The following GPR89A variants were observed in gnomAD, a reference collection of about 807,000 sequenced individuals.
The protein encoded by GPR89A is golgi pH regulator A.
GPR89A carries 16 observed loss-of-function variants against 52.0 expected under a neutral mutation model. That is an observed-to-expected ratio of 0.31 (90% CI 0.21 to 0.47). The LOEUF (loss-of-function observed/expected upper bound fraction) is 0.47, where lower values mean the gene tolerates loss of function less well. GPR89A is among the 20% of genes least tolerant of loss of function. GPR89A has a pLI of 1.00. For synonymous variants in GPR89A, 55 were observed against 150.9 expected, an observed-to-expected ratio of 0.36 and a Z score of 4.66; for missense variants, 135 against 449.4, an observed-to-expected ratio of 0.30 and a Z score of 6.33.
intron 1 of GPR89A, among the ~76,000 whole-genome samples, chr1:145,611,160 TTGTGTG>T (rs373604657): frequency 3.3e-5 from 5 of 149,478 alleles, no homozygotes; most frequent in African/African-American, 4.9e-5. Flanking sequence ...CTCCAGCTAC[TTGTGTG>T]TGTGTGTGTG....
At position 145,665,327 on chromosome 1, in the gene GPR89A, AT is replaced by A. The variant is rs757261947; in HGVS notation, c.1006-234del. ...GCAAGACCCTGGCTCTACAAAAAAA[AT>A]ATTTTTTTAATTTTAAGGTTTAATT... On this transcript the variant is annotated intron_variant, in intron 11 of 13. Coordinates refer to ENST00000313835, the MANE Select transcript of GPR89A (RefSeq NM_001097612.2). 5.8e-4 allele frequency among the ~76,000 whole-genome samples: 88 copies of A among 152,006 alleles called. 2 individuals carry two copies. Among genetic ancestry groups the A allele is most frequent in the Non-Finnish European group, 1.1e-3 (76 of 67,924 alleles).
intron 10 of GPR89A, among the ~76,000 whole-genome samples, chr1:145,654,844 A>T: frequency 6.6e-6 from 1 of 152,234 alleles, no homozygotes; most frequent in Middle Eastern, 3.4e-3. Flanking sequence ...CTGTATTGCT[A>T]GGTTGGGGAA....
chr1:145,641,360 G>A (rs587639011), intron 7 of GPR89A, among the ~76,000 whole-genome samples: 26 of 151,964 alleles, frequency 1.7e-4, no homozygotes, highest in African/African-American at 6.1e-4. Context: ...GAGGTGGGAG[G>A]GAGGTAAGCT....
At chr1:145,659,996 A>G (rs1229903404) in intron 10 of GPR89A, among the ~76,000 whole-genome samples, 1 of 151,784 alleles carries the variant, frequency 6.6e-6, no homozygotes, top group Non-Finnish European at 1.5e-5. Context: ...CATCCCTTGT[A>G]AGTTGGATTC....
At chr1:145,661,991 A>G (rs1411824123) in intron 10 of GPR89A, among the ~76,000 whole-genome samples, 2 of 152,140 alleles carry the variant, frequency 1.3e-5, no homozygotes, top group African/African-American at 4.8e-5. Flanking sequence ...GTCTAAGAAC[A>G]TATTTTGTAT....
At chr1:145,662,594 A>G (rs1334655143) in intron 10 of GPR89A, among the ~76,000 whole-genome samples, 2 of 152,094 alleles carry the variant, frequency 1.3e-5, no homozygotes, top group African/African-American at 4.8e-5. Context: ...AGCAATCTAT[A>G]GCCCACAGGC....
intron 7 of GPR89A, among the ~76,000 whole-genome samples, chr1:145,640,314 AG>A (rs1197163428): frequency 4.9e-5 from 6 of 122,628 alleles, no homozygotes; most frequent in Non-Finnish European, 8.5e-5. Flanking sequence ...CTACACAAAA[AG>A]TTCTTTACTT....
chr1:145,626,124 G>A (rs1649481192), intron 5 of GPR89A, among the ~76,000 whole-genome samples: 1 of 150,640 alleles, frequency 6.6e-6, no homozygotes, highest in Non-Finnish European at 1.5e-5. Context: ...TGGTAGTATA[G>A]TTCTCATATA....
chr1:145,612,424 C>G (rs1442209687), intron 1 of GPR89A, among the ~76,000 whole-genome samples: 1 of 152,046 alleles, frequency 6.6e-6, no homozygotes, highest in African/African-American at 2.4e-5. Flanking sequence ...GTTAAAAGCA[C>G]AGATTTTCTA....
At chr1:145,608,351 C>G (rs1553685403) in intron 1 of GPR89A, 176 bp downstream of exon 1, 15 of 1,124,190 alleles carry the variant, frequency 1.3e-5, no homozygotes, top group Non-Finnish European at 1.9e-5. Flanking sequence ...CCCTCAGCCC[C>G]GGCTGTCAGG....
intron 12 of GPR89A, among the ~76,000 whole-genome samples, chr1:145,666,704 T>TC (rs1282637675): frequency 1.1e-5 from 1 of 89,464 alleles, no homozygotes; most frequent in Non-Finnish European, 2.2e-5. Context: ...CCCTCCCCCC[T>TC]CCCCCCACCC....
At chr1:145,641,556 A>G (rs1352533295) in intron 7 of GPR89A, among the ~76,000 whole-genome samples, 4 of 151,656 alleles carry the variant, frequency 2.6e-5, no homozygotes, top group African/African-American at 7.3e-5. Flanking sequence ...AATTATTTCA[A>G]AAAGTTTAAC....
Position 145,622,963 on chromosome 1 carries a change from C to T in GPR89A, c.207-91C>T, listed in dbSNP as rs587764860. 32 of 1,593,370 alleles carry T rather than the reference C, an allele frequency of 2.0e-5. No homozygotes were observed. The East Asian group carries it at 6.9e-4, about 35-fold the overall frequency. On this transcript the variant is annotated intron_variant, in intron 3 of 13. Transcript: ENST00000313835. ...GATAGGATATATTCAATATTGAGTC[C>T]AAAGAGCAAAAGGACCCTTTGGAAG... is the stretch of plus-strand genomic sequence containing the variant.
At chr1:145,609,937 A>G (rs587764637) in intron 1 of GPR89A, among the ~76,000 whole-genome samples, 8 of 152,256 alleles carry the variant, frequency 5.3e-5, no homozygotes, top group African/African-American at 1.9e-4. Flanking sequence ...CACCCTGCCC[A>G]CAACCAAAGT....
At chr1:145,645,679 C>A (rs1650935694) in intron 8 of GPR89A, 1 of 453,664 alleles carries the variant, frequency 2.2e-6, no homozygotes. Flanking sequence ...ATGGATAACA[C>A]CATGGCATAA....
At chr1:145,639,466 G>C (rs1328660054) in intron 7 of GPR89A, among the ~76,000 whole-genome samples, 1 of 152,066 alleles carries the variant, frequency 6.6e-6, no homozygotes, top group African/African-American at 2.4e-5. Context: ...CCGACACATG[G>C]CCAGGCACAG....
intron 7 of GPR89A, among the ~76,000 whole-genome samples, chr1:145,637,452 G>C (rs1350348309): frequency 6.6e-5 from 10 of 151,766 alleles, no homozygotes; most frequent in African/African-American, 2.4e-4. Flanking sequence ...GCTGCTGCAG[G>C]TATGACAGAT....
chr1:145,648,241 A>G (rs1201353852), intron 10 of GPR89A, among the ~76,000 whole-genome samples: 6 of 151,922 alleles, frequency 3.9e-5, no homozygotes, highest in South Asian at 4.2e-4. Flanking sequence ...TGACTTTCCT[A>G]CTGGGTTTGT....
At chr1:145,619,417 C>T (rs201733291) in intron 3 of GPR89A, among the ~76,000 whole-genome samples, 3 of 150,588 alleles carry the variant, frequency 2.0e-5, no homozygotes, top group South Asian at 2.1e-4. Flanking sequence ...CAAGACGAGC[C>T]TGGGCAACAA....
Sources: allele counts gnomAD v4.1 joint callset (sites outside exome capture counted in the v4.1 genomes callset), GRCh38; gene constraint gnomAD v4.1.1; transcripts MANE v1.5; gene names NCBI Gene and HGNC (gene_info 2026-07-23, HGNC 2026-07-21).